PCDHA2: variants seen among roughly 807,000 people sequenced by gnomAD.
The protein encoded by PCDHA2 is protocadherin alpha 2, also known as protocadherin alpha-2.
Under a neutral mutation model 66.0 loss-of-function variants are expected in PCDHA2, and 58 were observed. That is an observed-to-expected ratio of 0.88 (90% CI 0.71 to 1.09). PCDHA2 has a LOEUF of 1.09. Ranked by LOEUF, PCDHA2 falls within the 50% of genes least tolerant of loss-of-function variation. PCDHA2 has a pLI of 0.00. For missense variants in PCDHA2, 1,267 were observed against 1,242.3 expected, an observed-to-expected ratio of 1.02 and a Z score of -0.30; for synonymous variants, 634 against 554.0, an observed-to-expected ratio of 1.14 and a Z score of -2.03.
At chr5:140,875,842 A>G (rs782682417) in intron 1 of PCDHA2, 1 of 1,614,146 alleles carries the variant, frequency 6.2e-7, no homozygotes, top group Non-Finnish European at 8.5e-7. Context: ...CGTGGAGGTG[A>G]AGGACATTAA....
At chr5:140,915,557 T>G (rs909593732) in intron 1 of PCDHA2, among the ~76,000 whole-genome samples, 1 of 152,102 alleles carries the variant, frequency 6.6e-6, no homozygotes, top group African/African-American at 2.4e-5. Flanking sequence ...AGATCCAGAA[T>G]GATTATCTGG....
Position 141,009,935 on chromosome 5 carries a change from T to TGAG in PCDHA2, c.2847_*2dup. Reference sequence around the variant, plus strand: ...CAGCACGACTGACAACAGTGACCAGTGAGGTCCTCAAATGGAAACAAGCCA... The same window carrying TGAG: ...CAGCACGACTGACAACAGTGACCAGTGAGGAGGTCCTCAAATGGAAACAAGCCA... On this transcript the variant is annotated inframe_insertion and stop_retained_variant, in exon 4 of 4. Transcript: ENST00000526136. 6.2e-7 allele frequency: 1 copy of TGAG among 1,602,418 alleles called. No individual in the cohort carries two copies. The highest frequency in any genetic ancestry group is 8.5e-7 in the Non-Finnish European group (1 of 1,176,054).
chr5:140,843,258 G>A, intron 1 of PCDHA2: 1 of 1,596,068 alleles, frequency 6.3e-7, no homozygotes, highest in Middle Eastern at 1.7e-4. Context: ...CCGCGCCACC[G>A]TCTGCTGGTC....
At chr5:140,823,665 C>A (rs782647575) in intron 1 of PCDHA2, 3 of 1,614,048 alleles carry the variant, frequency 1.9e-6, no homozygotes, top group Non-Finnish European at 2.5e-6. Flanking sequence ...CAGGCGAGAT[C>A]AGCACAACAC....
chr5:141,001,378 C>T (rs889628264), intron 3 of PCDHA2, among the ~76,000 whole-genome samples: 20 of 152,166 alleles, frequency 1.3e-4, no homozygotes, highest in African/African-American at 4.8e-4. Flanking sequence ...GATTACAGAG[C>T]CTAAGATCCT....
intron 1 of PCDHA2, among the ~76,000 whole-genome samples, chr5:140,905,814 G>T (rs1303983123): frequency 6.6e-6 from 1 of 152,090 alleles, no homozygotes; most frequent in Non-Finnish European, 1.5e-5. Flanking sequence ...GAATTAATAG[G>T]CTAGATGTGT....
chr5:140,923,256 TAGTG>T (rs2153568044), intron 1 of PCDHA2, among the ~76,000 whole-genome samples: 1 of 152,302 alleles, frequency 6.6e-6, no homozygotes, highest in African/African-American at 2.4e-5. Context: ...CTGGGCAACA[TAGTG>T]AGACCTTGTC....
chr5:140,933,677 T>A (rs1024721491), intron 1 of PCDHA2, among the ~76,000 whole-genome samples: 8 of 151,826 alleles, frequency 5.3e-5, no homozygotes, highest in African/African-American at 1.9e-4. Context: ...CTCTCTCACA[T>A]TTTTTTTCCT....
intron 1 of PCDHA2, chr5:140,862,359 CG>C: frequency 3.0e-6 from 1 of 337,856 alleles, no homozygotes; most frequent in Non-Finnish European, 5.8e-6. Flanking sequence ...AAGGGACAGA[CG>C]ACCCGCACCC....
intron 1 of PCDHA2, chr5:140,865,908 T>A (rs1023181309): frequency 2.6e-5 from 4 of 152,274 alleles, no homozygotes; most frequent in African/African-American, 9.6e-5. Flanking sequence ...GGCAAATCTT[T>A]CTTTCTGTTG....
Position 140,856,863 on chromosome 5 carries a change from T to C in PCDHA2, c.2388+59511T>C. 4 of 1,595,256 alleles carry C rather than the reference T, an allele frequency of 2.5e-6. 1 individual carries two copies. Among genetic ancestry groups the C allele is most frequent in the Non-Finnish European group, 3.4e-6 (4 of 1,165,176 alleles). ...AACGCTTCTGATTCGGATGAAGGAA[T>C]AAACAAGGAAATGATGTATTCATTT... On this transcript the variant is annotated intron_variant, in intron 1 of 3. Transcript: ENST00000526136.
chr5:140,882,449 C>T (rs782741434), intron 1 of PCDHA2: 1 of 1,614,022 alleles, frequency 6.2e-7, no homozygotes, highest in Admixed American at 1.7e-5. Context: ...GGAGCTGGTG[C>T]CGCGCCTGTT....
intron 1 of PCDHA2, chr5:140,830,441 G>A (rs2150186537): frequency 6.2e-7 from 1 of 1,608,224 alleles, no homozygotes; most frequent in South Asian, 1.1e-5. Context: ...TATTATGATG[G>A]GTAAGGCGGA....
chr5:140,971,487 C>G (rs1285006281), intron 1 of PCDHA2, among the ~76,000 whole-genome samples: 1 of 152,110 alleles, frequency 6.6e-6, no homozygotes, highest in African/African-American at 2.4e-5. Flanking sequence ...CACATTGTTA[C>G]AGTGTGGCAA....
At chr5:140,871,305 G>C (rs782666863) in intron 1 of PCDHA2, 2 of 1,613,874 alleles carry the variant, frequency 1.2e-6, no homozygotes, top group East Asian at 4.5e-5. Context: ...GCGCGCCGGG[G>C]AAGCCCACGC....
chr5:140,844,369 C>G (rs1345474134), intron 1 of PCDHA2, among the ~76,000 whole-genome samples: 1 of 149,206 alleles, frequency 6.7e-6, no homozygotes, highest in Admixed American at 6.7e-5. Context: ...GATTTGTAAT[C>G]CTTCTTTTAA....
chr5:141,004,124 C>T (rs1225012224), intron 3 of PCDHA2, among the ~76,000 whole-genome samples: 1 of 152,202 alleles, frequency 6.6e-6, no homozygotes, highest in Non-Finnish European at 1.5e-5. Context: ...GGAGTATCTC[C>T]ATGATTCTGC....
In PCDHA2 at chr5:141,012,192, T is replaced by TA. The variant is rs1424309622; in HGVS notation, c.*2256dup. 1 of 153,796 alleles carries TA rather than the reference T, an allele frequency of 6.5e-6. No homozygotes were observed. The highest frequency in any genetic ancestry group is 6.5e-5 in the Admixed American group (1 of 15,282). The allele number at this position is 153,796 out of a possible 1,614,324, so 9.5% of individuals were successfully genotyped here. ...AATGATGATAATTATAATGTATCTGTACAGCACTTTTTACATTTGCGAAGT... is the reference window on the plus strand; with the variant it reads ...AATGATGATAATTATAATGTATCTGTAACAGCACTTTTTACATTTGCGAAGT... On this transcript the variant is annotated 3_prime_UTR_variant, in exon 4 of 4. Transcript: ENST00000526136.
chr5:140,875,015 G>T (rs1479954206), intron 1 of PCDHA2, among the ~76,000 whole-genome samples: 3 of 152,170 alleles, frequency 2.0e-5, no homozygotes, highest in African/African-American at 7.2e-5. Flanking sequence ...TAAAGTGTAG[G>T]TTCTGGCCTA....
Sources: allele counts gnomAD v4.1 joint callset (sites outside exome capture counted in the v4.1 genomes callset), GRCh38; gene constraint gnomAD v4.1.1; transcripts MANE v1.5; gene names NCBI Gene and HGNC (gene_info 2026-07-23, HGNC 2026-07-21).